KPNA2: variants seen among roughly 807,000 people sequenced by gnomAD.
KPNA2 encodes the protein karyopherin subunit alpha 2.
A neutral mutation model predicts 53.7 loss-of-function variants in KPNA2; 20 were observed. That is an observed-to-expected ratio of 0.37 (90% confidence interval 0.26 to 0.54). KPNA2 has a LOEUF of 0.54. KPNA2 is among the 20% of genes least tolerant of loss of function. The probability of loss-of-function intolerance (pLI) is 0.83; values close to 1 mark genes in which losing one functional copy is unlikely to be tolerated. For missense variants in KPNA2, 515 were observed against 640.3 expected (o/e 0.80, Z 2.11); for synonymous variants, 238 against 227.5 (o/e 1.05, Z -0.42).
rs1339838910 is a variant in KPNA2, at chr17:68,043,994, A to G, written c.1087A>G (p.Thr363Ala). ...AGCTACGTGGACAATGTCAAACATC[A>G]CAGCCGGCCGCCAGGACCAGATACA... is the stretch of plus-strand genomic sequence containing the variant. ...KEATWTMSNITAGRQDQIQQV... is the reference protein window; with the variant it reads ...KEATWTMSNIAAGRQDQIQQV... The change falls in exon 8 of 11, where the codon ACA (threonine) becomes GCA (alanine). Residue 363 changes from threonine (T) to alanine (A), a missense_variant. Transcript: ENST00000330459. The G allele has an allele frequency of 6.2e-7, 1 of 1,613,976 alleles. No individual in the cohort carries two copies. Among genetic ancestry groups the G allele is most frequent in the Admixed American group, 1.7e-5 (1 of 60,002 alleles).
Position 68,040,721 on chromosome 17 carries a change from A to G in KPNA2, c.257A>G (p.Asn86Ser), listed in dbSNP as rs142064368. ...GTTGATGACATTGTCAAAGGCATAAATAGCAGCAATGTGGAAAATCAGCTC... is the reference window on the plus strand; with the variant it reads ...GTTGATGACATTGTCAAAGGCATAAGTAGCAGCAATGTGGAAAATCAGCTC... ...WSVDDIVKGI[N>S]SSNVENQLQA... The change falls in exon 4 of 11, where the codon AAT (asparagine) becomes AGT (serine). Residue 86 changes from asparagine to serine, a missense_variant. Asn to Ser is a conservative substitution (Grantham distance 46). Coordinates refer to ENST00000330459, the MANE Select transcript of KPNA2 (RefSeq NM_002266.4). 289 of 1,613,712 alleles carry G rather than the reference A, an allele frequency of 1.8e-4. 1 individual carries two copies. The African/African-American group carries it at 3.6e-3, about 20-fold the overall frequency.
In KPNA2 at chr17:68,045,927, TAATGGATGGTAATATTA is replaced by T; in HGVS notation, c.1497+8_1497+24del. 6.6e-7 allele frequency: 1 copy of T among 1,510,180 alleles called. No homozygotes were observed. Among genetic ancestry groups the T allele is most frequent in the South Asian group, 1.3e-5 (1 of 77,366 alleles). The allele number at this position is 1,510,180 out of a possible 1,614,324, so 93.5% of individuals were successfully genotyped here. ...AGAAGTATTTCTCTGTAGAGGTGAG[TAATGGATGGTAATATTA>T]ATAACAACTTGGAAACATAAAGTCA... On this transcript the variant is annotated splice_region_variant and intron_variant, in intron 10 of 10. Coordinates refer to ENST00000330459, the MANE Select transcript of KPNA2 (RefSeq NM_002266.4).
chr17:68,044,544 A>C, intron 9 of KPNA2, 41 bp downstream of exon 9: 1 of 1,535,902 alleles, frequency 6.5e-7, no homozygotes, highest in Non-Finnish European at 9.0e-7. Flanking sequence ...TTTGGACTTG[A>C]TAATAATCAG....
rs1746536411 is a variant in KPNA2 at position 68,035,815 on chromosome 17, C to G, written c.-49C>G. ...CGCTGATTCCCCCCGCATCGCCTCC[C>G]GTGGAAGCCCAGGCCCGCTTCGCAG... On this transcript the variant is annotated 5_prime_UTR_variant, in exon 1 of 11. Coordinates refer to ENST00000330459, the MANE Select transcript of KPNA2 (RefSeq NM_002266.4). 1 of 152,820 alleles carries G rather than the reference C, an allele frequency of 6.5e-6. No individual in the cohort carries two copies. Among genetic ancestry groups the G allele is most frequent in the Admixed American group, 6.5e-5 (1 of 15,300 alleles). 9.5% of individuals were successfully genotyped at this position (152,820 alleles called of 1,614,324 possible).
intron 3 of KPNA2, among the ~76,000 whole-genome samples, chr17:68,038,671 CCTGTG>C (rs1555704101): frequency 2.0e-5 from 3 of 151,936 alleles, no homozygotes; most frequent in African/African-American, 7.3e-5. Flanking sequence ...TGCACTCCAG[CCTGTG>C]CAACAAGAGT....
chr17:68,038,084 C>T (rs1375956891), intron 3 of KPNA2, among the ~76,000 whole-genome samples: 1 of 152,224 alleles, frequency 6.6e-6, no homozygotes, highest in Non-Finnish European at 1.5e-5. Flanking sequence ...TCACGCCATT[C>T]TCCTGCCTCA....
intron 3 of KPNA2, among the ~76,000 whole-genome samples, 189 bp from the exon 4 acceptor site, chr17:68,040,486 GACA>G (rs1342548156): frequency 2.0e-5 from 3 of 152,136 alleles, no homozygotes; most frequent in Non-Finnish European, 2.9e-5. Flanking sequence ...GTGAGTCCAT[GACA>G]ACAAGTTTGG....
Position 68,044,435 on chromosome 17 carries a change from A to T in KPNA2, c.1279A>T (p.Asn427Tyr), listed in dbSNP as rs782405510. ...CTGTGGCATAATAGAACCGTTGATG[A>T]ACCTCTTAACTGCAAAAGATACCAA... ...VHCGIIEPLM[N>Y]LLTAKDTKII... The change falls in exon 9 of 11, where the codon AAC becomes TAC. Residue 427 changes from asparagine (N) to tyrosine (Y), a missense_variant. Asn to Tyr is a moderately radical substitution (Grantham distance 143, BLOSUM62 -2). Coordinates refer to ENST00000330459, the MANE Select transcript of KPNA2 (RefSeq NM_002266.4). The T allele has an allele frequency of 2.5e-6, 4 of 1,614,122 alleles. No homozygotes were observed. Among genetic ancestry groups the T allele is most frequent in the Non-Finnish European group, 3.4e-6 (4 of 1,179,962 alleles).
Position 68,042,117 on chromosome 17 carries a change from T to C in KPNA2, c.335T>C (p.Ile112Thr). The C allele has an allele frequency of 6.2e-7, 1 of 1,613,942 alleles. No individual in the cohort carries two copies. The highest frequency in any genetic ancestry group is 8.5e-7 in the Non-Finnish European group (1 of 1,179,794). The change falls in exon 5 of 11, where the codon ATA (isoleucine) becomes ACA (threonine). Residue 112 changes from isoleucine to threonine, a missense_variant. By Grantham distance (89) the Ile-to-Thr change is moderately conservative. Transcript: ENST00000330459. ...KLLSREKQPP[I>T]DNIIRAGLIP... ...CTTTCCAGAGAAAAACAGCCCCCCA[T>C]AGACAACATAATCCGGGCTGGTTTG...
intron 3 of KPNA2, among the ~76,000 whole-genome samples, chr17:68,039,949 G>C (rs1231162823): frequency 6.6e-6 from 1 of 151,166 alleles, no homozygotes; most frequent in Non-Finnish European, 1.5e-5. Flanking sequence ...GCATGGTGGC[G>C]CATGCCTATA....
chr17:68,038,939 C>T (rs1043681343), intron 3 of KPNA2, among the ~76,000 whole-genome samples: 9 of 152,040 alleles, frequency 5.9e-5, no homozygotes, highest in Non-Finnish European at 7.4e-5. Flanking sequence ...CACTTGAGCC[C>T]GGGATTTTGA....
intron 3 of KPNA2, among the ~76,000 whole-genome samples, chr17:68,039,276 ATG>A (rs2071225617): frequency 6.6e-6 from 1 of 151,564 alleles, no homozygotes; most frequent in African/African-American, 2.4e-5. Context: ...GATCACCACG[ATG>A]TCTAGCTAAT....
At chr17:68,045,166 C>G (rs2071313654) in intron 9 of KPNA2, among the ~76,000 whole-genome samples, 1 of 151,090 alleles carries the variant, frequency 6.6e-6, no homozygotes, top group African/African-American at 2.4e-5. Context: ...AATAATTTGT[C>G]AGTATGTGGC....
Position 68,043,877 on chromosome 17 carries a change from A to G in KPNA2, c.970A>G (p.Thr324Ala), listed in dbSNP as rs2071295165. 6.2e-7 allele frequency: 1 copy of G among 1,613,284 alleles called. No homozygotes were observed. Among genetic ancestry groups the G allele is most frequent in the Non-Finnish European group, 8.5e-7 (1 of 1,179,490 alleles). The change falls in exon 8 of 11, where the codon ACA becomes GCA. Residue 324 changes from threonine (T) to alanine (A), a missense_variant. By Grantham distance (58) the Thr-to-Ala change is moderately conservative (BLOSUM62 0). Coordinates refer to ENST00000330459, the MANE Select transcript of KPNA2 (RefSeq NM_002266.4). ...LRAIGNIVTG[T>A]DEQTQVVIDA... is the part of the protein sequence containing the mutation. Reference sequence around the variant, plus strand: ...AGCCATAGGGAATATTGTCACTGGTACAGATGAACAGACTCAGGTTGTGAT... The same window carrying G: ...AGCCATAGGGAATATTGTCACTGGTGCAGATGAACAGACTCAGGTTGTGAT...
At chr17:68,043,717 T>TAAA in intron 7 of KPNA2, 121 bp from the exon 8 acceptor site, 1 of 671,766 alleles carries the variant, frequency 1.5e-6, no homozygotes, top group South Asian at 1.8e-5. Flanking sequence ...CAGTTGATAG[T>TAAA]AATATTGAAA....
chr17:68,041,587 G>C (rs7207184), intron 4 of KPNA2, among the ~76,000 whole-genome samples: 7,243 of 152,164 alleles, frequency 0.048, 187 homozygotes, highest in South Asian at 0.12. Flanking sequence ...TAACTTGGGT[G>C]TGGCGGTGCA....
At chr17:68,040,877 C>G (rs2071252502) in intron 4 of KPNA2, 111 bp downstream of exon 4, 5 of 681,452 alleles carry the variant, frequency 7.3e-6, no homozygotes, top group South Asian at 6.7e-5. Context: ...AAAGATTAGG[C>G]CAGCCAGCCA....
At position 68,043,872 on chromosome 17, in the gene KPNA2, C is replaced by A; in HGVS notation, c.965C>A (p.Thr322Asn). ...PALRAIGNIV[T>N]GTDEQTQVVI... ...CTAAGAGCCATAGGGAATATTGTCA[C>A]TGGTACAGATGAACAGACTCAGGTT... The change falls in exon 8 of 11, where the codon ACT becomes AAT. Residue 322 changes from threonine to asparagine, a missense_variant. Thr to Asn is a moderately conservative substitution (Grantham distance 65). Transcript: ENST00000330459. The A allele has an allele frequency of 6.2e-7, 1 of 1,612,448 alleles. No homozygotes were observed. The highest frequency in any genetic ancestry group is 2.2e-5 in the East Asian group (1 of 44,858).
chr17:68,038,399 C>T (rs7209606), intron 3 of KPNA2, among the ~76,000 whole-genome samples: 1 of 152,186 alleles, frequency 6.6e-6, no homozygotes, highest in Non-Finnish European at 1.5e-5. Context: ...AGCCACCAGG[C>T]CCTTCCCGTT....
Sources: allele counts gnomAD v4.1 joint callset (sites outside exome capture counted in the v4.1 genomes callset), GRCh38; gene constraint gnomAD v4.1.1; transcripts MANE v1.5; gene names NCBI Gene and HGNC (gene_info 2026-07-23, HGNC 2026-07-21).